Variants in EEFSEC observed in about 807,000 individuals in gnomAD.
EEFSEC encodes selenocysteine-specific elongation factor.
In EEFSEC, 43 loss-of-function variants were observed where a neutral mutation model predicts 42.1. The observed-to-expected ratio is 1.02, with a 90% CI of 0.80 to 1.32. The LOEUF is 1.32. Ranked by LOEUF, EEFSEC falls within the 40% of genes most tolerant of loss-of-function variation. EEFSEC has a pLI of 0.00. For missense variants in EEFSEC, 745 were observed against 803.6 expected (o/e 0.93, Z 0.88); for synonymous variants, 354 against 339.1 (o/e 1.04, Z -0.48).
intron 4 of EEFSEC, among the ~76,000 whole-genome samples, chr3:128,312,213 G>A (rs977525673): frequency 5.3e-5 from 8 of 152,248 alleles, no homozygotes; most frequent in Non-Finnish European, 1.2e-4. Flanking sequence ...CTTTTCTTCT[G>A]ATTTAACCCT....
intron 6 of EEFSEC, among the ~76,000 whole-genome samples, chr3:128,387,893 G>A (rs1253128149): frequency 2.0e-5 from 3 of 152,358 alleles, no homozygotes; most frequent in East Asian, 1.9e-4. Context: ...CTTCCTGGAG[G>A]AAGTAGGTCT....
At chr3:128,421,453 C>T in the EEFSEC span, among the ~76,000 whole-genome samples, 3 of 151,788 alleles carry the variant, frequency 2.0e-5, no homozygotes, top group Non-Finnish European at 2.9e-5. Flanking sequence ...TCCCAAGAAC[C>T]GGGATTTGGG....
chr3:128,153,867 G>T (rs757912180), intron 1 of EEFSEC, 44 bp downstream of exon 1: 1 of 1,457,922 alleles, frequency 6.9e-7, no homozygotes, highest in South Asian at 1.4e-5. Flanking sequence ...GGACGCGGGC[G>T]GAGCGACCGG....
At chr3:128,248,720 A>G (rs1343172803) in intron 2 of EEFSEC, among the ~76,000 whole-genome samples, 2 of 152,206 alleles carry the variant, frequency 1.3e-5, no homozygotes, top group Non-Finnish European at 2.9e-5. Flanking sequence ...ATACAACCTC[A>G]GTATCATTTA....
chr3:128,411,389 G>T (rs1371245083), downstream of EEFSEC, among the ~76,000 whole-genome samples: 1 of 152,242 alleles, frequency 6.6e-6, no homozygotes, highest in African/African-American at 2.4e-5. Context: ...TTTCCCAGGG[G>T]TGTGGGCAGG....
rs191971782 is a variant in EEFSEC, at chr3:128,199,619, A to C, written c.316+45796A>C. ...ACGTAATCTCTTTGCACCTTGTAGA[A>C]GTGTTTCTGCAAGTTTCTGTCTTAG... On this transcript the variant is annotated intron_variant, in intron 1 of 6. Transcript: ENST00000254730. Among the ~76,000 whole-genome samples, 564 of 152,304 alleles carry C rather than the reference A, an allele frequency of 3.7e-3. 5 individuals are homozygous for C. Among genetic ancestry groups the C allele is most frequent in the African/African-American group, 0.012 (492 of 41,554 alleles).
At chr3:128,362,290 G>A (rs1451495784) in intron 6 of EEFSEC, 2 of 495,372 alleles carry the variant, frequency 4.0e-6, no homozygotes, top group East Asian at 6.0e-5. Flanking sequence ...CCACTTTGCA[G>A]GGAGAAAAGA....
intron 6 of EEFSEC, among the ~76,000 whole-genome samples, chr3:128,383,223 C>T (rs1327716608): frequency 6.6e-6 from 1 of 152,212 alleles, no homozygotes; most frequent in African/African-American, 2.4e-5. Flanking sequence ...CTGTATTCAT[C>T]TATTGGTTAC....
intron 4 of EEFSEC, 52 bp from the exon 5 acceptor site, chr3:128,341,181 A>G: frequency 1.9e-6 from 3 of 1,544,622 alleles, no homozygotes; most frequent in Non-Finnish European, 2.6e-6. Flanking sequence ...TCTCCTCCCC[A>G]CAGCCCCGAG....
At chr3:128,282,762 C>CT (rs2066541350) in intron 4 of EEFSEC, among the ~76,000 whole-genome samples, 2 of 152,302 alleles carry the variant, frequency 1.3e-5, no homozygotes, top group Non-Finnish European at 2.9e-5. Context: ...CCTGGTGAGT[C>CT]TGAGTACCTT....
At chr3:128,392,110 C>T (rs2067920349) in intron 6 of EEFSEC, among the ~76,000 whole-genome samples, 1 of 152,222 alleles carries the variant, frequency 6.6e-6, no homozygotes, top group South Asian at 2.1e-4. Context: ...TAGGGATCTG[C>T]AGCTCTTAAC....
chr3:128,387,372 CCTT>C (rs1490497525), intron 6 of EEFSEC, among the ~76,000 whole-genome samples: 14 of 152,348 alleles, frequency 9.2e-5, no homozygotes, highest in African/African-American at 3.4e-4. Context: ...TAAGTATACA[CCTT>C]CTTCAAAGTT....
chr3:128,403,023 A>G (rs868380095), intron 6 of EEFSEC, among the ~76,000 whole-genome samples: 1 of 152,148 alleles, frequency 6.6e-6, no homozygotes, highest in Non-Finnish European at 1.5e-5. Flanking sequence ...GCTATAGGAA[A>G]AATAGTGGGG....
chr3:128,213,793 C>T (rs563557591), intron 1 of EEFSEC, among the ~76,000 whole-genome samples: 48 of 152,018 alleles, frequency 3.2e-4, no homozygotes, highest in Non-Finnish European at 6.5e-4. Context: ...TTTTTGCTTT[C>T]TTTTTGGTTT....
chr3:128,371,253 G>A (rs1315901002), intron 6 of EEFSEC, among the ~76,000 whole-genome samples: 2 of 151,806 alleles, frequency 1.3e-5, no homozygotes. Flanking sequence ...GGGAGGAGGG[G>A]AGGAGGAGCT....
At chr3:128,175,174 T>G (rs1418442262) in intron 1 of EEFSEC, among the ~76,000 whole-genome samples, 1 of 149,292 alleles carries the variant, frequency 6.7e-6, no homozygotes, top group African/African-American at 2.5e-5. Context: ...TTCTTACTAG[T>G]ACTGCTGCAA....
intron 2 of EEFSEC, among the ~76,000 whole-genome samples, chr3:128,255,864 G>C (rs934441426): frequency 7.9e-5 from 12 of 152,130 alleles, no homozygotes; most frequent in Non-Finnish European, 1.2e-4. Flanking sequence ...CCGGGGCTGG[G>C]GTATCAGCAT....
At chr3:128,274,728 C>T (rs1295419527) in intron 4 of EEFSEC, among the ~76,000 whole-genome samples, 1 of 152,216 alleles carries the variant, frequency 6.6e-6, no homozygotes, top group African/African-American at 2.4e-5. Context: ...AATGCCAGGG[C>T]TGGTTCCCAT....
At chr3:128,168,317 G>A (rs1300361405) in intron 1 of EEFSEC, among the ~76,000 whole-genome samples, 2 of 152,156 alleles carry the variant, frequency 1.3e-5, no homozygotes, top group African/African-American at 2.4e-5. Context: ...GACAAAAAGA[G>A]GTCACTGTCT....
Sources: gnomAD v4.1 joint callset for allele counts (sites outside exome capture counted in the v4.1 genomes callset) on GRCh38, gnomAD v4.1.1 for gene constraint, MANE v1.5 for transcripts, NCBI Gene and HGNC (gene_info 2026-07-23, HGNC 2026-07-21) for gene names.